SMIM31: variants seen among roughly 807,000 people sequenced by gnomAD.
SMIM31 encodes the protein human epithelial cell program regulator.
chr4:164,795,869 AAGAAAGC>A (rs1733188793), intron 2 of SMIM31, among the ~76,000 whole-genome samples: 1 of 152,140 alleles, frequency 6.6e-6, no homozygotes, highest in Non-Finnish European at 1.5e-5. Flanking sequence ...TCTGCCCTCC[AAGAAAGC>A]ACAGTCTAGT....
intron 2 of SMIM31, among the ~76,000 whole-genome samples, chr4:164,775,934 A>C (rs139459385): frequency 3.3e-5 from 5 of 152,138 alleles, no homozygotes; most frequent in African/African-American, 1.2e-4. Context: ...ATACTCCAAT[A>C]CTTTGCATTC....
At chr4:164,778,475 CGAT>C (rs1460809909) in intron 2 of SMIM31, among the ~76,000 whole-genome samples, 1 of 152,052 alleles carries the variant, frequency 6.6e-6, no homozygotes, top group Non-Finnish European at 1.5e-5. Context: ...TGTGATGACT[CGAT>C]GAAAAATTTA....
chr4:164,785,325 GTTTC>G (rs1560830114), intron 2 of SMIM31, among the ~76,000 whole-genome samples: 1 of 152,018 alleles, frequency 6.6e-6, no homozygotes, highest in African/African-American at 2.4e-5. Context: ...TCCAAAATGG[GTTTC>G]TTTAACTATT....
At chr4:164,797,072 C>T (rs545388047) in intron 2 of SMIM31, among the ~76,000 whole-genome samples, 3 of 152,258 alleles carry the variant, frequency 2.0e-5, no homozygotes, top group East Asian at 3.9e-4. Flanking sequence ...ATTGCTTGGA[C>T]GACTCTTTTA....
intron 2 of SMIM31, among the ~76,000 whole-genome samples, chr4:164,772,618 G>A (rs1388708571): frequency 1.5e-4 from 22 of 144,616 alleles, no homozygotes; most frequent in South Asian, 1.5e-3. Flanking sequence ...TCGCTCTGTC[G>A]CCCAGGCTGG....
At chr4:164,777,364 T>A (rs919184627) in intron 2 of SMIM31, among the ~76,000 whole-genome samples, 5 of 152,262 alleles carry the variant, frequency 3.3e-5, no homozygotes, top group African/African-American at 9.6e-5. Flanking sequence ...TCTTAAATTA[T>A]ATAGAATCAT....
chr4:164,754,551 A>ATTTTT (rs57916805), intron 1 of SMIM31, 140 bp downstream of exon 1: 17 of 55,614 alleles, frequency 3.1e-4, no homozygotes, highest in African/African-American at 7.9e-4. Flanking sequence ...TCCTGGAGGT[A>ATTTTT]TTTTTTTTTT....
intron 2 of SMIM31, among the ~76,000 whole-genome samples, chr4:164,800,750 C>T (rs1033537044): frequency 7.9e-5 from 12 of 152,156 alleles, no homozygotes; most frequent in African/African-American, 2.2e-4. Context: ...ATGTTTCTCA[C>T]GTGCCATTAA....
chr4:164,790,744 A>G (rs980175009), intron 2 of SMIM31, among the ~76,000 whole-genome samples: 1 of 152,200 alleles, frequency 6.6e-6, no homozygotes, highest in Non-Finnish European at 1.5e-5. Context: ...GGGTATATTC[A>G]CCTGTTGATC....
At chr4:164,799,213 C>T (rs1733251017) in intron 2 of SMIM31, among the ~76,000 whole-genome samples, 3 of 151,882 alleles carry the variant, frequency 2.0e-5, no homozygotes, top group South Asian at 4.2e-4. Context: ...TAACAAAACC[C>T]CATCCCTCCA....
chr4:164,771,224 T>G (rs1345534999), intron 2 of SMIM31, among the ~76,000 whole-genome samples: 1 of 152,190 alleles, frequency 6.6e-6, no homozygotes, highest in Non-Finnish European at 1.5e-5. Flanking sequence ...CCGCAGTAAA[T>G]AGACATTCCA....
chr4:164,774,763 A>C (rs886678349), intron 2 of SMIM31, among the ~76,000 whole-genome samples: 1 of 152,146 alleles, frequency 6.6e-6, no homozygotes. Flanking sequence ...TTTTAGTTTC[A>C]AGTTTCAATA....
chr4:164,791,861 C>T (rs1434795928), intron 2 of SMIM31, among the ~76,000 whole-genome samples: 3 of 152,152 alleles, frequency 2.0e-5, no homozygotes, highest in Non-Finnish European at 2.9e-5. Flanking sequence ...ACACTCCCCA[C>T]TTCTGAGTCT....
At chr4:164,760,996 C>G (rs1414731694) in intron 1 of SMIM31, among the ~76,000 whole-genome samples, 2 of 152,154 alleles carry the variant, frequency 1.3e-5, no homozygotes, top group Non-Finnish European at 2.9e-5. Context: ...AGTGAAATCT[C>G]TTAAGTTTCT....
At chr4:164,775,874 G>T (rs1181365436) in intron 2 of SMIM31, among the ~76,000 whole-genome samples, 5 of 152,128 alleles carry the variant, frequency 3.3e-5, no homozygotes, top group Non-Finnish European at 1.5e-5. Flanking sequence ...TTACCCATGT[G>T]TGTGCAGCTG....
chr4:164,772,665 G>T (rs183513709), intron 2 of SMIM31, among the ~76,000 whole-genome samples: 1 of 150,064 alleles, frequency 6.7e-6, no homozygotes, highest in South Asian at 2.1e-4. Context: ...TGCAAGCTCC[G>T]CCTCCCGGGT....
At chr4:164,759,140 C>T (rs752819485) in intron 1 of SMIM31, among the ~76,000 whole-genome samples, 8 of 152,086 alleles carry the variant, frequency 5.3e-5, no homozygotes, top group East Asian at 3.9e-4. Flanking sequence ...TGTTTATGTA[C>T]ATTAAGAATA....
At chr4:164,780,281 G>A (rs889723674) in intron 2 of SMIM31, among the ~76,000 whole-genome samples, 2 of 152,158 alleles carry the variant, frequency 1.3e-5, no homozygotes, top group Admixed American at 6.5e-5. Flanking sequence ...CAAAAAATTA[G>A]CCAGGCGTGG....
chr4:164,766,899 G>A (rs1313738464), intron 1 of SMIM31, among the ~76,000 whole-genome samples: 7 of 152,182 alleles, frequency 4.6e-5, no homozygotes, highest in African/African-American at 1.7e-4. Context: ...GCCTCTGTGG[G>A]GAGGTGGTGC....
Sources: allele counts gnomAD v4.1 joint callset (sites outside exome capture counted in the v4.1 genomes callset), GRCh38; gene constraint gnomAD v4.1.1; transcripts MANE v1.5; gene names NCBI Gene and HGNC (gene_info 2026-07-23, HGNC 2026-07-21).